TDRD3: variants seen among roughly 807,000 people sequenced by gnomAD.
TDRD3 encodes the protein tudor domain-containing protein 3.
A neutral mutation model predicts 86.7 loss-of-function variants in TDRD3; 45 were observed. That is an observed-to-expected ratio of 0.52 (90% CI 0.41 to 0.67). TDRD3 has a LOEUF of 0.67. Among genes scored for constraint, TDRD3 ranks in the 30% least tolerant of loss-of-function variants. The pLI is 0.00. For synonymous variants in TDRD3, 298 were observed against 301.7 expected, an observed-to-expected ratio of 0.99 and a Z score of 0.13; for missense variants, 814 against 889.0, an observed-to-expected ratio of 0.92 and a Z score of 1.07.
intron 12 of TDRD3, among the ~76,000 whole-genome samples, chr13:60,560,684 T>C (rs1958312846): frequency 6.6e-6 from 1 of 152,182 alleles, no homozygotes; most frequent in South Asian, 2.1e-4. Flanking sequence ...AAGAAGAGCT[T>C]ATAATAAAAC....
At chr13:60,525,490 A>T (rs185132232) in intron 10 of TDRD3, among the ~76,000 whole-genome samples, 8 of 152,170 alleles carry the variant, frequency 5.3e-5, no homozygotes, top group Admixed American at 2.6e-4. Context: ...TCTTATTTTT[A>T]AAAAATAATT....
intron 1 of TDRD3, among the ~76,000 whole-genome samples, chr13:60,432,327 A>C (rs551665914): frequency 6.6e-6 from 1 of 152,098 alleles, no homozygotes; most frequent in Non-Finnish European, 1.5e-5. Flanking sequence ...TTTTATTTTT[A>C]ACAGGTTATC....
intron 5 of TDRD3, among the ~76,000 whole-genome samples, chr13:60,470,955 A>T (rs367735492): frequency 1.3e-5 from 2 of 152,158 alleles, no homozygotes; most frequent in East Asian, 3.9e-4. Flanking sequence ...CTTATTGGCC[A>T]TGCGTAGATC....
At chr13:60,549,136 G>T (rs1428505478) in intron 12 of TDRD3, among the ~76,000 whole-genome samples, 1 of 152,106 alleles carries the variant, frequency 6.6e-6, no homozygotes, top group African/African-American at 2.4e-5. Context: ...GGTAGTGGTG[G>T]TTTTAGAGTC....
chr13:60,439,858 TAAC>T, intron 2 of TDRD3, 86 bp downstream of exon 2: 4 of 809,136 alleles, frequency 4.9e-6, no homozygotes, highest in Non-Finnish European at 7.5e-6. Flanking sequence ...GGTTATATGA[TAAC>T]AAATATAGAG....
intron 5 of TDRD3, among the ~76,000 whole-genome samples, chr13:60,472,900 A>C (rs1287302152): frequency 6.6e-6 from 1 of 152,124 alleles, no homozygotes. Flanking sequence ...ATGAGTATAG[A>C]GTTTCAGCAT....
chr13:60,542,153 T>C (rs1304496345), intron 12 of TDRD3, among the ~76,000 whole-genome samples: 3 of 152,308 alleles, frequency 2.0e-5, no homozygotes, highest in Admixed American at 6.5e-5. Context: ...CTTGTTCTCC[T>C]GGAAGTGCAA....
At chr13:60,402,479 A>T (rs761459879) in intron 1 of TDRD3, among the ~76,000 whole-genome samples, 3 of 152,180 alleles carry the variant, frequency 2.0e-5, no homozygotes, top group African/African-American at 7.2e-5. Context: ...TGTAGAGAAT[A>T]TTGGTAGTTC....
chr13:60,421,194 A>T (rs978419988), intron 1 of TDRD3, among the ~76,000 whole-genome samples: 10 of 99,254 alleles, frequency 1.0e-4, no homozygotes, highest in East Asian at 2.0e-4. Context: ...GGTAATTAAT[A>T]AAAAAAAAGA....
At chr13:60,554,055 CTT>C (rs1350042472) in intron 12 of TDRD3, among the ~76,000 whole-genome samples, 1 of 152,174 alleles carries the variant, frequency 6.6e-6, no homozygotes, top group East Asian at 1.9e-4. Flanking sequence ...TTCCTTCACA[CTT>C]TTGAAATCCT....
chr13:60,470,861 G>A (rs1231226998), intron 5 of TDRD3, among the ~76,000 whole-genome samples: 1 of 152,090 alleles, frequency 6.6e-6, no homozygotes, highest in Non-Finnish European at 1.5e-5. Context: ...GGGATTATAG[G>A]TGTAAGCCAC....
At chr13:60,438,385 A>G (rs1314772743) in intron 1 of TDRD3, among the ~76,000 whole-genome samples, 1 of 152,122 alleles carries the variant, frequency 6.6e-6, no homozygotes, top group Non-Finnish European at 1.5e-5. Flanking sequence ...TTACTGACTC[A>G]TCGATATATT....
chr13:60,523,573 C>CTTTTTTT (rs67692021), intron 10 of TDRD3, among the ~76,000 whole-genome samples: 208 of 104,992 alleles, frequency 2.0e-3, no homozygotes, highest in East Asian at 2.5e-3. Flanking sequence ...ATACATTTTT[C>CTTTTTTT]TTTTTTTTTT....
chr13:60,520,334 G>A (rs1240185255), intron 10 of TDRD3, among the ~76,000 whole-genome samples: 3 of 152,042 alleles, frequency 2.0e-5, no homozygotes, highest in East Asian at 1.9e-4. Flanking sequence ...TTATGATATT[G>A]GAATATACAA....
At position 60,529,321 on chromosome 13, in the gene TDRD3, A is replaced by G. The variant is rs112983913; in HGVS notation, c.1992+104A>G. The G allele has an allele frequency of 3.2e-5, 40 of 1,257,296 alleles. No individual in the cohort carries two copies. The Admixed American group carries it at 5.6e-4, about 18-fold the overall frequency. 77.9% of individuals were successfully genotyped at this position (1,257,296 alleles called of 1,614,324 possible). A position where few individuals can be genotyped will look rare whatever the true frequency, so the allele number is the denominator to read the frequency against. On this transcript the variant is annotated intron_variant, in intron 11 of 13. Coordinates refer to ENST00000377881, the MANE Select transcript of TDRD3 (RefSeq NM_001146070.2). ...TTGGAACTATGAGTCTTTTTCTACTATTGTACCTGTTTAAAATCTTTGAAC... is the reference window on the plus strand; with the variant it reads ...TTGGAACTATGAGTCTTTTTCTACTGTTGTACCTGTTTAAAATCTTTGAAC...
chr13:60,560,929 T>G (rs1053758545), intron 12 of TDRD3, among the ~76,000 whole-genome samples: 8 of 152,174 alleles, frequency 5.3e-5, no homozygotes, highest in African/African-American at 1.9e-4. Context: ...TCTTTTGTCT[T>G]CAATTAGCAT....
intron 3 of TDRD3, among the ~76,000 whole-genome samples, chr13:60,456,561 CTT>C (rs1458419957): frequency 6.6e-6 from 1 of 152,216 alleles, no homozygotes; most frequent in Non-Finnish European, 1.5e-5. Context: ...TTAAAGAAGA[CTT>C]GGGTGATCAA....
intron 3 of TDRD3, among the ~76,000 whole-genome samples, chr13:60,450,614 TAGTTAAAGCACTAGAAA>T (rs1217204006): frequency 1.3e-5 from 2 of 152,126 alleles, no homozygotes; most frequent in Non-Finnish European, 2.9e-5. Flanking sequence ...AAGTAAATTA[TAGTTAAAGCACTAGAAA>T]ATATATTTTT....
At chr13:60,526,088 G>A (rs1029905620) in intron 10 of TDRD3, among the ~76,000 whole-genome samples, 17 of 152,092 alleles carry the variant, frequency 1.1e-4, no homozygotes, top group African/African-American at 3.4e-4. Flanking sequence ...AGGATACTTA[G>A]TTACTCTCGT....
Sources: allele counts gnomAD v4.1 joint callset (sites outside exome capture counted in the v4.1 genomes callset), GRCh38; gene constraint gnomAD v4.1.1; transcripts MANE v1.5; gene names NCBI Gene and HGNC (gene_info 2026-07-23, HGNC 2026-07-21).